Variants in CADM2 observed in about 807,000 individuals in gnomAD.
CADM2 encodes the protein immunoglobulin superfamily member 4D.
A neutral mutation model predicts 49.8 loss-of-function variants in CADM2; 12 were observed. The observed-to-expected ratio is 0.24, with a 90% CI of 0.15 to 0.39. The LOEUF is 0.39. CADM2 is among the 10% of genes least tolerant of loss of function. CADM2 has a pLI of 1.00. For synonymous variants in CADM2, 214 were observed against 175.4 expected, an observed-to-expected ratio of 1.22 and a Z score of -1.74; for missense variants, 378 against 492.3, an observed-to-expected ratio of 0.77 and a Z score of 2.20.
intron 1 of CADM2, among the ~76,000 whole-genome samples, chr3:85,265,416 G>A (rs993126361): frequency 1.1e-4 from 17 of 151,934 alleles, no homozygotes; most frequent in African/African-American, 3.6e-4. Context: ...CCAGGGTTGA[G>A]GGACCTGTGT....
At chr3:85,663,601 T>C (rs1239983117) in intron 1 of CADM2, among the ~76,000 whole-genome samples, 2 of 152,158 alleles carry the variant, frequency 1.3e-5, no homozygotes, top group African/African-American at 4.8e-5. Context: ...GACCAACTCC[T>C]TCAATTTTGT....
At chr3:85,952,518 T>G (rs1723561781) in intron 7 of CADM2, among the ~76,000 whole-genome samples, 1 of 150,960 alleles carries the variant, frequency 6.6e-6, no homozygotes, top group African/African-American at 2.4e-5. Context: ...GAATTCAGCA[T>G]GTTCAAAATG....
At chr3:85,371,619 C>G (rs905164277) in intron 1 of CADM2, among the ~76,000 whole-genome samples, 13 of 124,674 alleles carry the variant, frequency 1.0e-4, no homozygotes, top group Non-Finnish European at 1.6e-4. Context: ...CCACACATCA[C>G]TGTGTGTGTG....
intron 1 of CADM2, among the ~76,000 whole-genome samples, chr3:85,173,126 C>T (rs984422369): frequency 6.6e-6 from 1 of 150,924 alleles, no homozygotes; most frequent in Admixed American, 6.6e-5. Flanking sequence ...TACCAAGTAG[C>T]TGGGACTACA....
chr3:85,321,116 ATTTTTTTTTTTTTTTTT>A (rs1157576505), intron 1 of CADM2, among the ~76,000 whole-genome samples: 19 of 27,464 alleles, frequency 6.9e-4, no homozygotes, highest in South Asian at 3.4e-3. Context: ...ATATATATAT[ATTTTTTTTTTTTTTTTT>A]TTTTTTTTTT....
At chr3:85,641,491 G>T (rs1477455947) in intron 1 of CADM2, among the ~76,000 whole-genome samples, 1 of 152,118 alleles carries the variant, frequency 6.6e-6, no homozygotes, top group Non-Finnish European at 1.5e-5. Context: ...TAAGTTCTTG[G>T]TCTTGATAGG....
intron 1 of CADM2, among the ~76,000 whole-genome samples, chr3:85,499,763 A>C (rs2040042383): frequency 6.6e-6 from 1 of 152,052 alleles, no homozygotes; most frequent in Non-Finnish European, 1.5e-5. Context: ...GAGCAACCTT[A>C]GGCTGTCTTA....
chr3:85,192,538 CA>C (rs2041233167), intron 1 of CADM2, among the ~76,000 whole-genome samples: 1 of 150,244 alleles, frequency 6.7e-6, no homozygotes, highest in Non-Finnish European at 1.5e-5. Flanking sequence ...GAAGGAACCC[CA>C]AAAAAGTCTT....
At chr3:85,846,138 G>A (rs1330282182) in intron 3 of CADM2, among the ~76,000 whole-genome samples, 1 of 152,132 alleles carries the variant, frequency 6.6e-6, no homozygotes, top group African/African-American at 2.4e-5. Context: ...TTTAGATAAA[G>A]TATCAAACTT....
At chr3:85,883,471 A>G in intron 4 of CADM2, 28 bp downstream of exon 4, 1 of 1,573,218 alleles carries the variant, frequency 6.4e-7, no homozygotes, top group Non-Finnish European at 8.7e-7. Flanking sequence ...ACACCATGTA[A>G]TCACAAAACC....
At chr3:85,513,281 T>G (rs1469673426) in intron 1 of CADM2, among the ~76,000 whole-genome samples, 1 of 151,944 alleles carries the variant, frequency 6.6e-6, no homozygotes, top group Admixed American at 6.6e-5. Context: ...TACATGGCTT[T>G]AGAATTTTGT....
At chr3:85,211,734 A>G (rs1233448624) in intron 1 of CADM2, among the ~76,000 whole-genome samples, 2 of 152,308 alleles carry the variant, frequency 1.3e-5, no homozygotes, top group Non-Finnish European at 2.9e-5. Context: ...TGTGCTGAGG[A>G]GAACAATGTG....
rs541347712 is a variant in CADM2, at chr3:85,663,053, G to T, written c.62-63469G>T. 1.5e-4 allele frequency among the ~76,000 whole-genome samples: 23 copies of T among 152,128 alleles called. No homozygotes were observed. In the South Asian group the frequency reaches 4.8e-3, roughly 32 times the overall value. On this transcript the variant is annotated intron_variant, in intron 1 of 9. Coordinates refer to ENST00000383699, the MANE Select transcript of CADM2 (RefSeq NM_001167675.2). ...GTGTATTTCATGGAATATGCAATTT[G>T]TGGGAACTGCAAACGTAGTGGTAGG...
rs528754726 is a variant in CADM2 at position 85,464,892 on chromosome 3, G to A, written c.62-261630G>A. Among the ~76,000 whole-genome samples the A allele has an allele frequency of 3.3e-3, 510 of 152,266 alleles. 3 individuals carry two copies. The highest frequency in any genetic ancestry group is 0.012 in the African/African-American group (487 of 41,536). The stretch of plus-strand genomic sequence containing the variant: ...TTGGCCAAGCTCAGTGGCTCACGCC[G>A]TAATCTCAGCACTTTGGGAGGCCGA... On this transcript the variant is annotated intron_variant, in intron 1 of 9. Coordinates refer to ENST00000383699, the MANE Select transcript of CADM2 (RefSeq NM_001167675.2).
At chr3:85,731,195 A>C (rs927720489) in intron 2 of CADM2, among the ~76,000 whole-genome samples, 2 of 152,200 alleles carry the variant, frequency 1.3e-5, no homozygotes, top group Admixed American at 6.5e-5. Context: ...TTGGAGGTTA[A>C]TTGAAAGGCA....
At chr3:85,429,216 T>C (rs1320928952) in intron 1 of CADM2, among the ~76,000 whole-genome samples, 1 of 152,096 alleles carries the variant, frequency 6.6e-6, no homozygotes, top group Non-Finnish European at 1.5e-5. Context: ...TAGAAAGGTC[T>C]AATAATCTGT....
intron 1 of CADM2, among the ~76,000 whole-genome samples, chr3:85,413,727 C>T (rs1250519999): frequency 6.6e-6 from 1 of 152,190 alleles, no homozygotes; most frequent in African/African-American, 2.4e-5. Flanking sequence ...CAATCACCTT[C>T]CACCAAGCCC....
intron 1 of CADM2, among the ~76,000 whole-genome samples, chr3:85,639,952 A>G (rs374132876): frequency 2.0e-5 from 3 of 152,240 alleles, no homozygotes; most frequent in East Asian, 3.9e-4. Flanking sequence ...TCTTTGACAT[A>G]CAATAGAAAT....
intron 1 of CADM2, among the ~76,000 whole-genome samples, chr3:85,005,775 C>T (rs1252255420): frequency 1.3e-5 from 2 of 151,526 alleles, no homozygotes; most frequent in Non-Finnish European, 2.9e-5. Context: ...TGTGGGCACT[C>T]TTGTTATTTT....
Sources: gnomAD v4.1 joint callset for allele counts (sites outside exome capture counted in the v4.1 genomes callset) on GRCh38, gnomAD v4.1.1 for gene constraint, MANE v1.5 for transcripts, NCBI Gene and HGNC (gene_info 2026-07-23, HGNC 2026-07-21) for gene names.